Variants in TMTC2 observed in about 807,000 individuals in gnomAD.
TMTC2 encodes the protein protein O-mannosyl-transferase TMTC2.
A neutral mutation model predicts 82.4 loss-of-function variants in TMTC2; 43 were observed. The ratio of observed to expected loss-of-function variants is 0.52; its 90% CI spans 0.41 to 0.67. The LOEUF is 0.67. TMTC2 is among the 30% of genes least tolerant of loss of function. The pLI is 0.00. For synonymous variants in TMTC2, 408 were observed against 381.9 expected (o/e 1.07, Z -0.80); for missense variants, 919 against 1,012.4 (o/e 0.91, Z 1.25).
chr12:83,129,001 T>C (rs994654510), intron 11 of TMTC2, among the ~76,000 whole-genome samples: 2 of 152,202 alleles, frequency 1.3e-5, no homozygotes, highest in Admixed American at 6.5e-5. Flanking sequence ...ATGATACTTA[T>C]TACATATGTC....
At chr12:82,998,340 G>C (rs1217639064) in intron 8 of TMTC2, among the ~76,000 whole-genome samples, 1 of 152,174 alleles carries the variant, frequency 6.6e-6, no homozygotes, top group African/African-American at 2.4e-5. Flanking sequence ...CTAGAGCTAT[G>C]CAGAAAATAG....
At chr12:82,846,355 C>CT (rs946870828) in intron 1 of TMTC2, among the ~76,000 whole-genome samples, 15 of 151,686 alleles carry the variant, frequency 9.9e-5, no homozygotes, top group Admixed American at 2.0e-4. Flanking sequence ...GAGACTCTGT[C>CT]TTTTTTTTAA....
chr12:82,876,031 T>C (rs1229552752), intron 2 of TMTC2, among the ~76,000 whole-genome samples: 2 of 74,124 alleles, frequency 2.7e-5, no homozygotes, highest in African/African-American at 9.8e-5. Context: ...GTGGTGGCGG[T>C]GGTGGTGGTG....
At chr12:82,972,586 T>C (rs1371466239) in intron 7 of TMTC2, among the ~76,000 whole-genome samples, 1 of 152,140 alleles carries the variant, frequency 6.6e-6, no homozygotes, top group African/African-American at 2.4e-5. Flanking sequence ...ATAAAAAGCT[T>C]GTGTGAATTT....
At chr12:82,804,040 C>T (rs1879134219) in intron 1 of TMTC2, among the ~76,000 whole-genome samples, 1 of 152,030 alleles carries the variant, frequency 6.6e-6, no homozygotes, top group South Asian at 2.1e-4. Flanking sequence ...ATATTTATCA[C>T]ATCCCTAACA....
chr12:83,123,579 A>G (rs1217294336), intron 11 of TMTC2, among the ~76,000 whole-genome samples: 4 of 152,106 alleles, frequency 2.6e-5, no homozygotes. Flanking sequence ...TAATTGTATT[A>G]ATCTTGCATT....
At chr12:83,010,871 G>C (rs747133459) in intron 8 of TMTC2, among the ~76,000 whole-genome samples, 6 of 152,054 alleles carry the variant, frequency 3.9e-5, no homozygotes, top group Non-Finnish European at 5.9e-5. Flanking sequence ...TTTCACTCTT[G>C]TCACCCAGGC....
At chr12:83,086,767 C>T (rs780082935) in intron 11 of TMTC2, among the ~76,000 whole-genome samples, 20 of 152,056 alleles carry the variant, frequency 1.3e-4, no homozygotes, top group Non-Finnish European at 2.6e-4. Flanking sequence ...AATATACATA[C>T]CTTAAATAAA....
chr12:83,129,130 A>G (rs1885184979), intron 11 of TMTC2, among the ~76,000 whole-genome samples: 1 of 152,218 alleles, frequency 6.6e-6, no homozygotes, highest in Non-Finnish European at 1.5e-5. Context: ...TTATTTTACT[A>G]AAATAGCCAT....
At chr12:82,845,446 T>C (rs1275672270) in intron 1 of TMTC2, among the ~76,000 whole-genome samples, 7 of 151,760 alleles carry the variant, frequency 4.6e-5, no homozygotes, top group Admixed American at 4.6e-4. Flanking sequence ...ACAAATGGAC[T>C]AAAGTGGTTC....
intron 1 of TMTC2, among the ~76,000 whole-genome samples, chr12:82,737,649 A>G (rs1875193109): frequency 6.6e-6 from 1 of 152,222 alleles, no homozygotes; most frequent in South Asian, 2.1e-4. Flanking sequence ...CAGGAAATAT[A>G]AATGAATAAG....
At chr12:82,769,084 C>T (rs913251923) in intron 1 of TMTC2, among the ~76,000 whole-genome samples, 1 of 151,060 alleles carries the variant, frequency 6.6e-6, no homozygotes, top group African/African-American at 2.4e-5. Context: ...GCTCAAGCCC[C>T]AGCTCACAAA....
chr12:82,704,821 A>G (rs1374333059), intron 1 of TMTC2, among the ~76,000 whole-genome samples: 1 of 152,196 alleles, frequency 6.6e-6, no homozygotes, highest in Non-Finnish European at 1.5e-5. Flanking sequence ...AAATTAAGAA[A>G]GCAACAAAAA....
chr12:83,055,353 C>T (rs1268323911), intron 10 of TMTC2, among the ~76,000 whole-genome samples: 1 of 151,864 alleles, frequency 6.6e-6, no homozygotes, highest in Non-Finnish European at 1.5e-5. Context: ...TGAGTGGCCT[C>T]TCATAAAGAA....
At chr12:83,005,815 G>A (rs554355305) in intron 8 of TMTC2, among the ~76,000 whole-genome samples, 33 of 152,320 alleles carry the variant, frequency 2.2e-4, no homozygotes, top group African/African-American at 7.5e-4. Context: ...CCCAGGAGGG[G>A]TCAGTGCACA....
intron 11 of TMTC2, among the ~76,000 whole-genome samples, chr12:83,127,462 C>CT: frequency 6.6e-6 from 1 of 152,172 alleles, no homozygotes; most frequent in African/African-American, 2.4e-5. Context: ...AGCCCAACTA[C>CT]TGCAGGGGTA....
At chr12:82,869,965 T>C (rs187607690) in intron 2 of TMTC2, among the ~76,000 whole-genome samples, 1 of 152,312 alleles carries the variant, frequency 6.6e-6, no homozygotes, top group Non-Finnish European at 1.5e-5. Context: ...CCAACCAGGT[T>C]GAATGCTTTT....
intron 8 of TMTC2, among the ~76,000 whole-genome samples, chr12:83,000,763 C>T (rs1040323397): frequency 6.6e-6 from 1 of 152,202 alleles, no homozygotes; most frequent in South Asian, 2.1e-4. Context: ...TAGCAGAGGT[C>T]CTTCATGAGG....
chr12:82,940,005 C>A (rs370082755), intron 4 of TMTC2, among the ~76,000 whole-genome samples: 1 of 125,178 alleles, frequency 8.0e-6, no homozygotes, highest in Admixed American at 7.9e-5. Flanking sequence ...ATTTCTTTTT[C>A]TTTCTTTACT....
Sources: allele counts gnomAD v4.1 joint callset (sites outside exome capture counted in the v4.1 genomes callset), GRCh38; gene constraint gnomAD v4.1.1; transcripts MANE v1.5; gene names NCBI Gene and HGNC (gene_info 2026-07-23, HGNC 2026-07-21).